The following CCZ1B variants were observed in gnomAD, a reference collection of about 807,000 sequenced individuals.
CCZ1B encodes vacuolar fusion protein CCZ1 homolog B.
In CCZ1B, 25 loss-of-function variants were observed where a neutral mutation model predicts 58.8. The ratio of observed to expected loss-of-function variants is 0.43; its 90% CI spans 0.31 to 0.59. The LOEUF (loss-of-function observed/expected upper bound fraction) is 0.59. Ranked by LOEUF, CCZ1B falls within the 20% of genes least tolerant of loss-of-function variation. The probability of loss-of-function intolerance (pLI) is 0.12; values close to 1 mark genes in which losing one functional copy is unlikely to be tolerated. For missense variants in CCZ1B, 180 were observed against 501.5 expected (o/e 0.36, Z 6.12); for synonymous variants, 66 against 173.2 (o/e 0.38, Z 4.86).
intron 5 of CCZ1B, among the ~76,000 whole-genome samples, chr7:6,822,699 T>G (rs1783130795): frequency 7.2e-6 from 1 of 138,618 alleles, no homozygotes; most frequent in African/African-American, 2.8e-5. Context: ...TCACCAAACT[T>G]TTTATCCTTT....
At chr7:6,805,743 C>CA (rs879365424) in intron 11 of CCZ1B, 103,735 of 298,184 alleles carry the variant, frequency 0.35, 18,173 homozygotes, top group South Asian at 0.59. Flanking sequence ...AACAAACAAC[C>CA]ACAAAAACAT....
chr7:6,807,668 CG>C (rs1462232081), intron 10 of CCZ1B, among the ~76,000 whole-genome samples: 2 of 142,658 alleles, frequency 1.4e-5, no homozygotes, highest in African/African-American at 5.0e-5. Context: ...TGAAAAACCA[CG>C]TGCCGACAAA....
intron 12 of CCZ1B, among the ~76,000 whole-genome samples, chr7:6,803,534 A>C (rs1368520189): frequency 9.5e-6 from 1 of 105,336 alleles, no homozygotes; most frequent in African/African-American, 3.7e-5. Context: ...TGTCTCAAAA[A>C]ATAAAAACAA....
rs1782967582 is a variant in CCZ1B, at chr7:6,814,535, A to T, written c.780+229T>A. 2 of 405,166 alleles carry T rather than the reference A, an allele frequency of 4.9e-6. 1 individual carries two copies. Among genetic ancestry groups the T allele is most frequent in the African/African-American group, 4.4e-5 (2 of 45,850 alleles). 25.1% of individuals were successfully genotyped at this position (405,166 alleles called of 1,614,324 possible). Reference sequence around the variant, plus strand: ...CAAAAACACACACAAAAAAACCAACACACAGACACACAAAACGATGCTTTC... The same window carrying T: ...CAAAAACACACACAAAAAAACCAACTCACAGACACACAAAACGATGCTTTC... On this transcript the variant is annotated intron_variant, in intron 8 of 14. Transcript: ENST00000316731.
intron 7 of CCZ1B, among the ~76,000 whole-genome samples, chr7:6,818,244 C>T (rs1393144346): frequency 2.7e-5 from 4 of 149,754 alleles, no homozygotes; most frequent in African/African-American, 1.0e-4. Context: ...TATGGCCACA[C>T]CCCTAATTAA....
chr7:6,818,253 A>C lies in CCZ1B; in HGVS notation c.698+1513T>G, dbSNP rs532225036. ...GTACCATATGGCCACACCCCTAATTAAGAAACGGGGCTAGGCCAGGTGCGG... is the reference window on the plus strand; with the variant it reads ...GTACCATATGGCCACACCCCTAATTCAGAAACGGGGCTAGGCCAGGTGCGG... On this transcript the variant is annotated intron_variant, in intron 7 of 14. Transcript: ENST00000316731. Among the ~76,000 whole-genome samples, 49 of 149,928 alleles carry C rather than the reference A, an allele frequency of 3.3e-4. 7 individuals carry two copies. The South Asian group carries it at 9.3e-3, about 28-fold the overall frequency.
At chr7:6,819,973 T>C (rs1172943132) in intron 6 of CCZ1B, 32 bp from the exon 7 acceptor site, 2 of 1,592,268 alleles carry the variant, frequency 1.3e-6, no homozygotes, top group Admixed American at 1.7e-5. Context: ...TAAAATTTAC[T>C]AATAGTACAC....
intron 5 of CCZ1B, among the ~76,000 whole-genome samples, chr7:6,823,072 T>C (rs1459662830): frequency 6.7e-6 from 1 of 148,232 alleles, no homozygotes; most frequent in Non-Finnish European, 1.5e-5. Flanking sequence ...TAGATACACT[T>C]TTTCATCAAT....
At chr7:6,821,203 G>T (rs189631013) in intron 6 of CCZ1B, among the ~76,000 whole-genome samples, 1 of 150,070 alleles carries the variant, frequency 6.7e-6, no homozygotes, top group East Asian at 1.9e-4. Context: ...GTAGAGACGA[G>T]GTTTCACCAT....
intron 4 of CCZ1B, among the ~76,000 whole-genome samples, chr7:6,823,613 G>A (rs566325106): frequency 2.8e-5 from 4 of 142,748 alleles, no homozygotes; most frequent in Admixed American, 2.2e-4. Context: ...TTGCGTCCCC[G>A]GTTCAAGCGA....
chr7:6,821,992 G>A (rs1583557514), intron 6 of CCZ1B, among the ~76,000 whole-genome samples: 1 of 149,456 alleles, frequency 6.7e-6, no homozygotes, highest in Non-Finnish European at 1.5e-5. Flanking sequence ...AGCCCAGAAG[G>A]ACAGATGCAG....
At chr7:6,803,708 C>T (rs1315370233) in intron 12 of CCZ1B, among the ~76,000 whole-genome samples, 1 of 147,436 alleles carries the variant, frequency 6.8e-6, no homozygotes, top group African/African-American at 2.5e-5. Flanking sequence ...TCACGCCTGT[C>T]ATCCCAGCAC....
In CCZ1B at chr7:6,818,678, A is replaced by AAAGAAAGAC. The variant is rs1554259303; in HGVS notation, c.698+1087_698+1088insGTCTTTCTT. Among the ~76,000 whole-genome samples, 285 of 76,202 alleles carry AAAGAAAGAC rather than the reference A, an allele frequency of 3.7e-3. 12 individuals carry two copies. Among genetic ancestry groups the AAAGAAAGAC allele is most frequent in the South Asian group, 9.3e-3 (15 of 1,610 alleles). The allele number at this position is 76,202 out of a possible 152,430, so 50.0% of individuals were successfully genotyped here. ...GAAAGAAAGACAGACAGAAAGAAAG[A>AAAGAAAGAC]AAGAAAGAAAGAAAGACAAGAAAGA... On this transcript the variant is annotated intron_variant, in intron 7 of 14. Coordinates refer to ENST00000316731, the MANE Select transcript of CCZ1B (RefSeq NM_198097.5).
chr7:6,821,205 T>G (rs1262094092), intron 6 of CCZ1B, among the ~76,000 whole-genome samples: 1 of 149,716 alleles, frequency 6.7e-6, no homozygotes, highest in Admixed American at 6.6e-5. Flanking sequence ...AGAGACGAGG[T>G]TTCACCATGT....
intron 7 of CCZ1B, among the ~76,000 whole-genome samples, chr7:6,818,601 A>AGACAGAC (rs1583555367): frequency 3.0e-5 from 4 of 132,728 alleles, no homozygotes; most frequent in Middle Eastern, 7.6e-3. Context: ...GACAGAAAGA[A>AGACAGAC]AGAAAGAAAG....
intron 6 of CCZ1B, among the ~76,000 whole-genome samples, chr7:6,820,228 G>C (rs1042449550): frequency 6.7e-6 from 1 of 149,338 alleles, no homozygotes; most frequent in Non-Finnish European, 1.5e-5. Flanking sequence ...ATCCAGGCTG[G>C]AGTGCAGTGG....
At position 6,814,451 on chromosome 7, in the gene CCZ1B, T is replaced by C. The variant is rs555487668; in HGVS notation, c.780+313A>G. On this transcript the variant is annotated intron_variant, in intron 8 of 14. Coordinates refer to ENST00000316731, the MANE Select transcript of CCZ1B (RefSeq NM_198097.5). ...CTAGGGAGGCCGAGGCAAGGAGAAT[T>C]GCTTGAACCTCTCCATCCCAGGTGA... 3.3e-5 allele frequency among the ~76,000 whole-genome samples: 5 copies of C among 149,756 alleles called. 1 individual carries two copies. In the South Asian group the frequency reaches 1.1e-3, roughly 31 times the overall value.
rs1361661913 is a variant in CCZ1B at position 6,803,729 on chromosome 7, C to T, written c.1106+1209G>A. 8.8e-5 allele frequency among the ~76,000 whole-genome samples: 13 copies of T among 148,108 alleles called. 2 individuals carry two copies. Among genetic ancestry groups the T allele is most frequent in the East Asian group, 2.1e-4 (1 of 4,822 alleles). The stretch of plus-strand genomic sequence containing the variant: ...CTGTCATCCCAGCACTTTGGGAGGC[C>T]GAAGTGCGTGGATCACGAGGTCAGG... On this transcript the variant is annotated intron_variant, in intron 12 of 14. Coordinates refer to ENST00000316731, the MANE Select transcript of CCZ1B (RefSeq NM_198097.5).
chr7:6,804,075 G>A (rs576568788), intron 12 of CCZ1B, among the ~76,000 whole-genome samples: 78 of 150,838 alleles, frequency 5.2e-4, no homozygotes, highest in Non-Finnish European at 7.2e-4. Context: ...CTTCAACTTC[G>A]CAAAGTGCTT....
Sources: gnomAD v4.1 joint callset for allele counts (sites outside exome capture counted in the v4.1 genomes callset) on GRCh38, gnomAD v4.1.1 for gene constraint, MANE v1.5 for transcripts, NCBI Gene and HGNC (gene_info 2026-07-23, HGNC 2026-07-21) for gene names.